IGSF10: variants seen among roughly 807,000 people sequenced by gnomAD.
The protein encoded by IGSF10 is calvaria mechanical force protein 608.
Under a neutral mutation model 128.2 loss-of-function variants are expected in IGSF10, and 126 were observed. The ratio of observed to expected loss-of-function variants is 0.98; its 90% confidence interval spans 0.85 to 1.14. The LOEUF (loss-of-function observed/expected upper bound fraction) is 1.14, where lower values mean the gene tolerates loss of function less well. Among genes scored for constraint, IGSF10 ranks in the 50% most tolerant of loss-of-function variants. The probability of loss-of-function intolerance (pLI) is 0.00; values close to 1 mark genes in which losing one functional copy is unlikely to be tolerated. For missense variants in IGSF10, 3,295 were observed against 3,149.8 expected (o/e 1.05, Z -1.10); for synonymous variants, 1,185 against 1,146.2 (o/e 1.03, Z -0.68).
the IGSF10 span, among the ~76,000 whole-genome samples, chr3:151,619,102 A>T: frequency 1.3e-5 from 2 of 151,950 alleles, no homozygotes; most frequent in African/African-American, 4.8e-5. Flanking sequence ...AATACTAAAA[A>T]TAAAGATTTT....
At chr3:151,465,543 T>G (rs1348612306), upstream of IGSF10, among the ~76,000 whole-genome samples, 1 of 152,200 alleles carries the variant, frequency 6.6e-6, no homozygotes. Flanking sequence ...TCTTCTAGTT[T>G]CTTCTTCTTT....
intron 7 of IGSF10, chr3:151,440,426 T>G (rs1406663744): frequency 5.3e-6 from 2 of 374,784 alleles, no homozygotes; most frequent in Non-Finnish European, 1.1e-5. Flanking sequence ...GGAAGGAAGT[T>G]CTCTGGCATA....
Position 151,446,743 on chromosome 3 carries a change from A to T in IGSF10, c.3238T>A (p.Ser1080Thr). ...GTGATGGGAGCAGCACTTGGAAAAGACAATGCTGCTGTGGCAGTGGTGAGC... is the reference window on the plus strand; with the variant it reads ...GTGATGGGAGCAGCACTTGGAAAAGTCAATGCTGCTGTGGCAGTGGTGAGC... ...ERLTTATAAL[S>T]FPSAAPITFP... The change falls in exon 6 of 8, where the codon TCT (serine) becomes ACT (threonine). Residue 1080 changes from serine to threonine, a missense_variant. Coordinates refer to ENST00000282466, the MANE Select transcript of IGSF10 (RefSeq NM_178822.5). 4 of 1,614,170 alleles carry T rather than the reference A, an allele frequency of 2.5e-6. No homozygotes were observed. The highest frequency in any genetic ancestry group is 3.4e-6 in the Non-Finnish European group (4 of 1,180,032).
chr3:151,582,593 C>T, the IGSF10 span, among the ~76,000 whole-genome samples: 5 of 151,954 alleles, frequency 3.3e-5, no homozygotes, highest in East Asian at 3.9e-4. Flanking sequence ...TCATTTTCAC[C>T]GCAGATAGTA....
upstream of IGSF10, among the ~76,000 whole-genome samples, chr3:151,464,167 T>C (rs1387449650): frequency 1.3e-5 from 2 of 152,260 alleles, no homozygotes; most frequent in Non-Finnish European, 2.9e-5. Flanking sequence ...CTGTGTTTCC[T>C]GGACTACGGT....
chr3:151,488,725 A>G, the IGSF10 span, among the ~76,000 whole-genome samples: 1 of 152,246 alleles, frequency 6.6e-6, no homozygotes, highest in Non-Finnish European at 1.5e-5. Flanking sequence ...CAATGGGGAA[A>G]GGATTCCTTA....
At chr3:151,512,854 C>A in the IGSF10 span, among the ~76,000 whole-genome samples, 3 of 151,858 alleles carry the variant, frequency 2.0e-5, no homozygotes, top group African/African-American at 7.3e-5. Flanking sequence ...AAATAAACTA[C>A]AAAATCTAGA....
the IGSF10 span, chr3:151,565,802 T>C: frequency 1.3e-5 from 2 of 152,086 alleles, no homozygotes; most frequent in African/African-American, 4.8e-5. Flanking sequence ...CGTTAATGCA[T>C]AGTATCAGAT....
At chr3:151,521,772 A>G in the IGSF10 span, among the ~76,000 whole-genome samples, 1 of 152,108 alleles carries the variant, frequency 6.6e-6, no homozygotes, top group Non-Finnish European at 1.5e-5. Context: ...AAGATCTCAA[A>G]TTAACAATCT....
the IGSF10 span, among the ~76,000 whole-genome samples, chr3:151,509,538 T>C: frequency 6.6e-6 from 1 of 152,186 alleles, no homozygotes; most frequent in Non-Finnish European, 1.5e-5. Context: ...AGTCTACAGC[T>C]CCCAGCATGA....
chr3:151,585,249 T>C, the IGSF10 span, among the ~76,000 whole-genome samples: 648 of 152,320 alleles, frequency 4.3e-3, 1 homozygote, highest in African/African-American at 0.014. Flanking sequence ...ATGATCATAA[T>C]TTGGGTTAAA....
At position 151,450,895 on chromosome 3, in the gene IGSF10, C is replaced by CAAAAAAAA. The variant is rs35070766; in HGVS notation, c.716-1638_716-1631dup. Among the ~76,000 whole-genome samples, 165 of 55,382 alleles carry CAAAAAAAA rather than the reference C, an allele frequency of 3.0e-3. 5 individuals carry two copies. Among genetic ancestry groups the CAAAAAAAA allele is most frequent in the East Asian group, 0.017 (26 of 1,552 alleles). The allele number at this position is 55,382 out of a possible 152,430, so 36.3% of individuals were successfully genotyped here. A position where few individuals can be genotyped will look rare whatever the true frequency, so the allele number is the denominator to read the frequency against. ...GGGCAACAAGAGCAAAACTCTGTCT[C>CAAAAAAAA]AAAAAAAAAAAAAAAAAAAAAAAGA... On this transcript the variant is annotated intron_variant, in intron 5 of 7. Coordinates refer to ENST00000282466, the MANE Select transcript of IGSF10 (RefSeq NM_178822.5).
chr3:151,600,204 T>C, the IGSF10 span, among the ~76,000 whole-genome samples: 3 of 152,304 alleles, frequency 2.0e-5, no homozygotes, highest in Non-Finnish European at 4.4e-5. Context: ...AAAACACAAT[T>C]TCTTACTCTT....
chr3:151,514,905 A>G, the IGSF10 span, among the ~76,000 whole-genome samples: 1 of 152,240 alleles, frequency 6.6e-6, no homozygotes, highest in Non-Finnish European at 1.5e-5. Context: ...ATGCAAATCA[A>G]AACCACAATG....
At chr3:151,556,399 T>C in the IGSF10 span, among the ~76,000 whole-genome samples, 1 of 152,162 alleles carries the variant, frequency 6.6e-6, no homozygotes, top group Non-Finnish European at 1.5e-5. Flanking sequence ...TGCTCTCTCA[T>C]GGGAGTTTTG....
chr3:151,521,075 T>C, the IGSF10 span, among the ~76,000 whole-genome samples: 1 of 151,656 alleles, frequency 6.6e-6, no homozygotes, highest in Non-Finnish European at 1.5e-5. Flanking sequence ...TCAGGGGTTA[T>C]AATACTAATT....
upstream of IGSF10, among the ~76,000 whole-genome samples, chr3:151,464,843 T>C (rs1365719266): frequency 6.6e-5 from 10 of 152,042 alleles, no homozygotes; most frequent in Non-Finnish European, 1.3e-4. Context: ...GAAAAGGAGG[T>C]AGAAAGAAAA....
chr3:151,613,160 A>T, the IGSF10 span, among the ~76,000 whole-genome samples: 2 of 152,200 alleles, frequency 1.3e-5, no homozygotes, highest in African/African-American at 4.8e-5. Flanking sequence ...TTCAAGGAGA[A>T]CTATAAACCA....
the IGSF10 span, among the ~76,000 whole-genome samples, chr3:151,547,888 T>C: frequency 6.6e-6 from 1 of 152,246 alleles, no homozygotes; most frequent in African/African-American, 2.4e-5. Context: ...TCCCTCACTA[T>C]ACAACTTCCA....
Sources: allele counts gnomAD v4.1 joint callset (sites outside exome capture counted in the v4.1 genomes callset), GRCh38; gene constraint gnomAD v4.1.1; transcripts MANE v1.5; gene names NCBI Gene and HGNC (gene_info 2026-07-23, HGNC 2026-07-21).